AOX1: variants seen among roughly 807,000 people sequenced by gnomAD.
The protein encoded by AOX1 is aldehyde oxidase.
In AOX1, 153 loss-of-function variants were observed where a neutral mutation model predicts 169.5. The observed-to-expected ratio is 0.90, with a 90% CI of 0.79 to 1.03. The LOEUF (loss-of-function observed/expected upper bound fraction) is 1.03, where lower values mean the gene tolerates loss of function less well. Ranked by LOEUF, AOX1 falls within the 50% of genes least tolerant of loss-of-function variation. The pLI is 0.00. For missense variants in AOX1, 1,656 were observed against 1,663.9 expected, an observed-to-expected ratio of 1.00 and a Z score of 0.08; for synonymous variants, 562 against 581.9, an observed-to-expected ratio of 0.97 and a Z score of 0.49.
chr2:200,649,649 G>A (rs2035539024), intron 25 of AOX1, among the ~76,000 whole-genome samples: 1 of 152,172 alleles, frequency 6.6e-6, no homozygotes, highest in African/African-American at 2.4e-5. Flanking sequence ...GGTTCTTTCA[G>A]TCTCAGCCCC....
Position 200,597,442 on chromosome 2 carries a change from T to C in AOX1, c.246T>C (p.Tyr82=). 1 of 1,612,068 alleles carries C rather than the reference T, an allele frequency of 6.2e-7. No homozygotes were observed. Among genetic ancestry groups the C allele is most frequent in the Middle Eastern group, 1.7e-4 (1 of 5,898 alleles). ...NACLIPICSL[Y]GAAVTTVEGI... The stretch of plus-strand genomic sequence containing the variant: ...GTCTGATTCCCATCTGTTCTCTGTA[T>C]GGTGCTGCCGTCACCACAGTAGAAG... Residue 82 remains tyrosine (Y), a synonymous_variant, in exon 4 of 35, where the codon TAT becomes TAC. Coordinates refer to ENST00000374700, the MANE Select transcript of AOX1 (RefSeq NM_001159.4).
chr2:200,640,882 T>C (rs542662303), intron 23 of AOX1, among the ~76,000 whole-genome samples: 1 of 152,364 alleles, frequency 6.6e-6, no homozygotes, highest in Middle Eastern at 3.4e-3. Context: ...TGCCTATAAT[T>C]TTCTATGTGT....
chr2:200,609,293 A>C lies in AOX1; in HGVS notation c.1060-28A>C, dbSNP rs1218424249. ...GCACTTGCTTTTTTATGATTACATA[A>C]ATGAAAATAACTCATTATTTTTAAA... On this transcript the variant is annotated intron_variant, in intron 11 of 34. Transcript: ENST00000374700. The C allele has an allele frequency of 1.9e-6, 3 of 1,604,772 alleles. No individual in the cohort carries two copies. In the Admixed American group the frequency reaches 5.0e-5, roughly 27 times the overall value.
intron 27 of AOX1, among the ~76,000 whole-genome samples, chr2:200,658,342 T>G (rs560812739): frequency 6.6e-6 from 1 of 152,240 alleles, no homozygotes; most frequent in South Asian, 2.1e-4. Context: ...AGTATAAAGA[T>G]GTTAAATACA....
At chr2:200,596,458 A>G (rs1228931399) in intron 3 of AOX1, among the ~76,000 whole-genome samples, 3 of 152,286 alleles carry the variant, frequency 2.0e-5, no homozygotes, top group East Asian at 1.9e-4. Flanking sequence ...AAGGACCAGT[A>G]TGCTTGGAAA....
chr2:200,634,383 C>T (rs1268673636), intron 20 of AOX1, among the ~76,000 whole-genome samples: 1 of 151,988 alleles, frequency 6.6e-6, no homozygotes, highest in Non-Finnish European at 1.5e-5. Context: ...ATAAATAATG[C>T]TCAGGGTTGT....
chr2:200,605,270 A>G (rs2034491762), intron 9 of AOX1, among the ~76,000 whole-genome samples: 1 of 152,162 alleles, frequency 6.6e-6, no homozygotes, highest in African/African-American at 2.4e-5. Context: ...CAGCTTGAGG[A>G]GCAGCCCCTA....
chr2:200,601,971 G>C (rs566792439), intron 5 of AOX1, among the ~76,000 whole-genome samples: 1 of 151,886 alleles, frequency 6.6e-6, no homozygotes, highest in South Asian at 2.1e-4. Flanking sequence ...TTAAAATAAG[G>C]CTTAGCTCTT....
chr2:200,627,917 A>T (rs1467707314), intron 20 of AOX1, among the ~76,000 whole-genome samples: 1 of 151,402 alleles, frequency 6.6e-6, no homozygotes, highest in East Asian at 1.9e-4. Context: ...TCTCTCTCTG[A>T]TTCTCCCTCT....
intron 33 of AOX1, 99 bp downstream of exon 33, chr2:200,668,902 G>A (rs2035974878): frequency 2.0e-6 from 2 of 1,009,924 alleles, no homozygotes; most frequent in Non-Finnish European, 2.8e-6. Flanking sequence ...ATTTTTACCA[G>A]GATTGCAGAA....
At chr2:200,663,563 C>CAT (rs1559261626) in intron 31 of AOX1, among the ~76,000 whole-genome samples, 1 of 130,746 alleles carries the variant, frequency 7.6e-6, no homozygotes, top group African/African-American at 2.8e-5. Flanking sequence ...CACACACACA[C>CAT]ACACACACAC....
intron 12 of AOX1, 111 bp downstream of exon 12, chr2:200,609,525 A>T: frequency 1.2e-6 from 1 of 855,688 alleles, no homozygotes; most frequent in Non-Finnish European, 1.9e-6. Context: ...TAATATCAAT[A>T]CATTTCTCTG....
At chr2:200,659,788 A>T (rs549713996) in intron 28 of AOX1, among the ~76,000 whole-genome samples, 457 of 68,236 alleles carry the variant, frequency 6.7e-3, no homozygotes, top group Middle Eastern at 0.026. Context: ...TCTCTCTCTC[A>T]CACACACACA....
chr2:200,619,420 A>T (rs1160241055), intron 16 of AOX1, among the ~76,000 whole-genome samples: 1 of 152,176 alleles, frequency 6.6e-6, no homozygotes, highest in Non-Finnish European at 1.5e-5. Context: ...CCTCAGTCCC[A>T]GTACCGAGTG....
rs199978288 is a variant in AOX1, at chr2:200,616,074, T to C, written c.1704+11T>C. ...ACATTAAAGTACCAGGTGAGCGGTA[T>C]TTCTTGTTTTTAAAAATTCACAATC... is the stretch of plus-strand genomic sequence containing the variant. On this transcript the variant is annotated intron_variant, in intron 16 of 34. Transcript: ENST00000374700. 20 of 1,597,486 alleles carry C rather than the reference T, an allele frequency of 1.3e-5. No homozygotes were observed. The East Asian group carries it at 2.5e-4, about 20-fold the overall frequency.
At chr2:200,629,792 T>C (rs371116866) in intron 20 of AOX1, among the ~76,000 whole-genome samples, 42 of 152,302 alleles carry the variant, frequency 2.8e-4, no homozygotes, top group East Asian at 1.7e-3. Context: ...TGTGCAAGAA[T>C]TCCATTGTTG....
the AOX1 span, among the ~76,000 whole-genome samples, chr2:200,682,170 ATGC>A: frequency 5.9e-5 from 9 of 152,178 alleles, no homozygotes; most frequent in Non-Finnish European, 8.8e-5. Context: ...TTAAATTTTT[ATGC>A]TGCTATTTAC....
At chr2:200,591,460 C>A (rs368551357) in intron 1 of AOX1, among the ~76,000 whole-genome samples, 1 of 152,358 alleles carries the variant, frequency 6.6e-6, no homozygotes, top group East Asian at 1.9e-4. Flanking sequence ...CAGAGGGAAC[C>A]TTGCATGCAA....
rs1333898084 is a variant in AOX1, at chr2:200,593,152, GA to G, written c.59del (p.Asn20MetfsTer12). ...TATTTTCCCTTTGGTATAGGTGATA[GA>G]AAAAAATGTCGATCCTGAAACAATG... ...LFYVNGRKVIEKNVDPETMLL... is the reference protein window; with the variant it reads ...LFYVNGRKVIXKNVDPETMLL... On this transcript the variant is annotated frameshift_variant, in exon 2 of 35. Transcript: ENST00000374700. LOFTEE classifies it high-confidence loss of function. 3 of 1,613,078 alleles carry G rather than the reference GA, an allele frequency of 1.9e-6. No homozygotes were observed. Among genetic ancestry groups the G allele is most frequent in the South Asian group, 2.2e-5 (2 of 91,046 alleles).
Sources: gnomAD v4.1 joint callset for allele counts (sites outside exome capture counted in the v4.1 genomes callset) on GRCh38, gnomAD v4.1.1 for gene constraint, MANE v1.5 for transcripts, NCBI Gene and HGNC (gene_info 2026-07-23, HGNC 2026-07-21) for gene names.